Variants in KPNA1 observed in about 807,000 individuals in gnomAD.
The protein encoded by KPNA1 is importin subunit alpha-5.
A neutral mutation model predicts 70.5 loss-of-function variants in KPNA1; 10 were observed. The observed-to-expected ratio is 0.14, with a 90% CI of 0.09 to 0.24. KPNA1 has a LOEUF of 0.24. Among genes scored for constraint, KPNA1 ranks in the 10% least tolerant of loss-of-function variants. KPNA1 has a pLI of 1.00. For synonymous variants in KPNA1, 192 were observed against 221.9 expected, an observed-to-expected ratio of 0.87 and a Z score of 1.20; for missense variants, 397 against 637.9, an observed-to-expected ratio of 0.62 and a Z score of 4.07.
Position 122,469,666 on chromosome 3 carries a change from C to T in KPNA1, c.130-2237G>A, listed in dbSNP as rs1173137059. 3.3e-5 allele frequency among the ~76,000 whole-genome samples: 5 copies of T among 152,104 alleles called. No individual in the cohort carries two copies. In the East Asian group the frequency reaches 9.6e-4, roughly 29 times the overall value. ...ACCCAGTTTGGTCTGGGAACAAAAC[C>T]ACTGGAAGCCCAGAGAACACCAAGC... is the stretch of plus-strand genomic sequence containing the variant. On this transcript the variant is annotated intron_variant, in intron 2 of 13. Transcript: ENST00000344337.
chr3:122,441,684 T>TCTAC (rs1372260207), intron 10 of KPNA1, among the ~76,000 whole-genome samples: 1 of 151,950 alleles, frequency 6.6e-6, no homozygotes, highest in Non-Finnish European at 1.5e-5. Flanking sequence ...CACTGCAACC[T>TCTAC]CTACCTCCTG....
intron 1 of KPNA1, among the ~76,000 whole-genome samples, chr3:122,497,829 G>A (rs936426418): frequency 1.3e-5 from 2 of 152,002 alleles, no homozygotes; most frequent in Non-Finnish European, 2.9e-5. Context: ...TCCCTTATCA[G>A]ATATGCTTTT....
chr3:122,445,991 A>G (rs2076132697), intron 9 of KPNA1, among the ~76,000 whole-genome samples: 1 of 152,238 alleles, frequency 6.6e-6, no homozygotes, highest in African/African-American at 2.4e-5. Context: ...ATATATATGC[A>G]CCCAATACAG....
intron 5 of KPNA1, chr3:122,459,491 T>C (rs2076299092): frequency 1.0e-6 from 1 of 985,306 alleles, no homozygotes; most frequent in South Asian, 4.7e-5. Flanking sequence ...AGGTTCCTCA[T>C]TTGGTCCCTC....
At chr3:122,427,212 C>A (rs1461160738) in intron 13 of KPNA1, 40 bp from the exon 14 acceptor site, 1 of 1,443,478 alleles carries the variant, frequency 6.9e-7, no homozygotes, top group African/African-American at 1.4e-5. Flanking sequence ...TTGAAAACTT[C>A]AATAAATATT....
intron 2 of KPNA1, among the ~76,000 whole-genome samples, chr3:122,488,451 T>C (rs1406121756): frequency 6.6e-6 from 1 of 152,158 alleles, no homozygotes; most frequent in Admixed American, 6.5e-5. Context: ...TCTGGGAGGT[T>C]GAGGCTATAG....
intron 5 of KPNA1, among the ~76,000 whole-genome samples, chr3:122,456,178 G>GA (rs555430458): frequency 1.1e-4 from 16 of 152,080 alleles, no homozygotes; most frequent in African/African-American, 3.1e-4. Context: ...TACTAAAAAA[G>GA]AAAAAACAAG....
intron 2 of KPNA1, chr3:122,483,270 C>T (rs1024281025): frequency 1.3e-5 from 2 of 152,256 alleles, no homozygotes; most frequent in Admixed American, 6.5e-5. Context: ...TATCACATAC[C>T]TTGTCTTATG....
chr3:122,507,724 C>CT (rs2076906392), intron 1 of KPNA1, among the ~76,000 whole-genome samples: 1 of 150,910 alleles, frequency 6.6e-6, no homozygotes, highest in South Asian at 2.1e-4. Flanking sequence ...AAAATTATCT[C>CT]TTATCTAAAA....
intron 6 of KPNA1, among the ~76,000 whole-genome samples, chr3:122,453,239 T>C (rs776650532): frequency 6.6e-6 from 1 of 152,182 alleles, no homozygotes; most frequent in Non-Finnish European, 1.5e-5. Context: ...CCACAGCACC[T>C]GGCCTACTTT....
At chr3:122,449,412 A>C (rs1010694543) in intron 9 of KPNA1, among the ~76,000 whole-genome samples, 162 bp downstream of exon 9, 2 of 152,254 alleles carry the variant, frequency 1.3e-5, no homozygotes, top group Non-Finnish European at 2.9e-5. Context: ...CAATAAAACA[A>C]GACAAACAGA....
At chr3:122,458,258 C>T (rs2076285843) in intron 5 of KPNA1, among the ~76,000 whole-genome samples, 1 of 152,152 alleles carries the variant, frequency 6.6e-6, no homozygotes, top group African/African-American at 2.4e-5. Context: ...GCTCACAGAC[C>T]ATGCCATAAA....
intron 10 of KPNA1, 142 bp downstream of exon 10, chr3:122,441,896 C>A: frequency 1.4e-6 from 1 of 737,284 alleles, no homozygotes; most frequent in Non-Finnish European, 2.4e-6. Flanking sequence ...TGACCGCCCC[C>A]GGCCCAACAT....
At chr3:122,468,376 T>A (rs2076404848) in intron 2 of KPNA1, among the ~76,000 whole-genome samples, 1 of 152,170 alleles carries the variant, frequency 6.6e-6, no homozygotes, top group Non-Finnish European at 1.5e-5. Flanking sequence ...CAGGAGGTTC[T>A]CTCTGAGATT....
chr3:122,452,848 A>C (rs571742680), intron 6 of KPNA1, among the ~76,000 whole-genome samples: 11 of 152,096 alleles, frequency 7.2e-5, no homozygotes, highest in Non-Finnish European at 1.6e-4. Flanking sequence ...AGAAAGAAAA[A>C]AAGAGACAGA....
intron 1 of KPNA1, among the ~76,000 whole-genome samples, chr3:122,511,348 A>T (rs1003254732): frequency 1.3e-5 from 2 of 152,212 alleles, no homozygotes; most frequent in African/African-American, 4.8e-5. Context: ...TTATCTTTGT[A>T]TATGAAGGGC....
intron 11 of KPNA1, 52 bp downstream of exon 11, chr3:122,437,118 C>G (rs2076000021): frequency 6.3e-7 from 1 of 1,581,352 alleles, no homozygotes; most frequent in African/African-American, 1.4e-5. Context: ...GAGAAAAAAA[C>G]CTTACTTTTC....
intron 9 of KPNA1, among the ~76,000 whole-genome samples, chr3:122,444,054 C>T (rs2107729746): frequency 6.6e-6 from 1 of 152,242 alleles, no homozygotes; most frequent in East Asian, 1.9e-4. Flanking sequence ...CAGACACTCC[C>T]AGAGCGGCCA....
At chr3:122,447,843 A>G (rs555588221) in intron 9 of KPNA1, among the ~76,000 whole-genome samples, 2 of 152,178 alleles carry the variant, frequency 1.3e-5, no homozygotes, top group Non-Finnish European at 2.9e-5. Context: ...TACAAAATCA[A>G]TGTGCAAAAA....
Sources: allele counts gnomAD v4.1 joint callset (sites outside exome capture counted in the v4.1 genomes callset), GRCh38; gene constraint gnomAD v4.1.1; transcripts MANE v1.5; gene names NCBI Gene and HGNC (gene_info 2026-07-23, HGNC 2026-07-21).